The following AIM2 variants were observed in gnomAD, a reference collection of about 807,000 sequenced individuals.
The protein encoded by AIM2 is interferon-inducible protein AIM2.
AIM2 carries 30 observed loss-of-function variants against 27.7 expected under a neutral mutation model. That is an observed-to-expected ratio of 1.08 (90% CI 0.81 to 1.47). AIM2 has a LOEUF of 1.47. Ranked by LOEUF, AIM2 falls within the 40% of genes most tolerant of loss-of-function variation. AIM2 has a pLI of 0.00. For synonymous variants in AIM2, 141 were observed against 145.3 expected (o/e 0.97, Z 0.21); for missense variants, 358 against 411.3 (o/e 0.87, Z 1.12).
chr1:159,083,062 A>T (rs1656820132), intron 1 of AIM2, among the ~76,000 whole-genome samples: 1 of 152,204 alleles, frequency 6.6e-6, no homozygotes, highest in Non-Finnish European at 1.5e-5. Flanking sequence ...GTCAAGATGG[A>T]ACAAATTATT....
At chr1:159,074,135 G>A (rs960392529) in intron 1 of AIM2, among the ~76,000 whole-genome samples, 2 of 152,062 alleles carry the variant, frequency 1.3e-5, no homozygotes, top group South Asian at 2.1e-4. Flanking sequence ...CATACAACAC[G>A]GTGCATACAC....
At chr1:159,105,610 G>T (rs529761429) in intron 1 of AIM2, among the ~76,000 whole-genome samples, 3 of 152,242 alleles carry the variant, frequency 2.0e-5, no homozygotes, top group Non-Finnish European at 4.4e-5. Flanking sequence ...CAGGCAGGTC[G>T]TCCCGATGAG....
chr1:159,056,504 C>T, the AIM2 span, among the ~76,000 whole-genome samples: 2 of 151,892 alleles, frequency 1.3e-5, no homozygotes, highest in Non-Finnish European at 2.9e-5. Flanking sequence ...CAGTCAAAGT[C>T]CCTCAGAGGC....
rs540038345 is a variant in AIM2 at position 159,108,206 on chromosome 1, CGTT to C, written c.-16+32222_-16+32224del. On this transcript the variant is annotated intron_variant, in intron 1 of 2. Transcript: ENST00000368129. ...AACATATCAAAAAAGTAGTACACCA[CGTT>C]CAAGTGGGTTTCATACAAGGGATGA... Among the ~76,000 whole-genome samples, 1,421 of 152,184 alleles carry C rather than the reference CGTT, an allele frequency of 9.3e-3. 24 individuals are homozygous for C. The highest frequency in any genetic ancestry group is 0.032 in the African/African-American group (1,346 of 41,522).
intron 4 of AIM2, 24 bp from the exon 5 acceptor site, chr1:159,063,698 G>C (rs747096315): frequency 2.5e-6 from 4 of 1,604,204 alleles, no homozygotes; most frequent in Non-Finnish European, 2.6e-6. Context: ...TCAACACCCA[G>C]CCTCTGATAA....
chr1:159,127,770 G>T (rs574256522), intron 1 of AIM2, among the ~76,000 whole-genome samples: 2 of 152,150 alleles, frequency 1.3e-5, no homozygotes, highest in South Asian at 4.1e-4. Context: ...CTTGACCTTG[G>T]ACTTCCCAAG....
rs557699147 is a variant in AIM2 at position 159,101,169 on chromosome 1, T to C, written c.-15-34840A>G. ...AGGGACCTGGTGGGAGGTAATTGGATCATGGGGCTGTTGGGGGCAGGGGGC... is the reference window on the plus strand; with the variant it reads ...AGGGACCTGGTGGGAGGTAATTGGACCATGGGGCTGTTGGGGGCAGGGGGC... On this transcript the variant is annotated intron_variant, in intron 1 of 2. Transcript: ENST00000368129. Among the ~76,000 whole-genome samples the C allele has an allele frequency of 2.6e-3, 397 of 151,860 alleles. 2 individuals carry two copies. The highest frequency in any genetic ancestry group is 9.2e-3 in the African/African-American group (380 of 41,406).
intron 1 of AIM2, among the ~76,000 whole-genome samples, chr1:159,117,667 A>G (rs1570974658): frequency 6.6e-6 from 1 of 152,268 alleles, no homozygotes; most frequent in Middle Eastern, 3.4e-3. Flanking sequence ...TAAAAATATA[A>G]AAGAAAAGGA....
At chr1:159,068,502 A>T in intron 3 of AIM2, 66 bp downstream of exon 3, 1 of 1,524,924 alleles carries the variant, frequency 6.6e-7, no homozygotes, top group African/African-American at 1.4e-5. Flanking sequence ...AGAGAACAAT[A>T]TGGGAAGTGA....
At chr1:159,134,212 C>A (rs145461687) in intron 1 of AIM2, among the ~76,000 whole-genome samples, 8 of 152,310 alleles carry the variant, frequency 5.3e-5, no homozygotes, top group Non-Finnish European at 1.2e-4. Context: ...ACCATTACCA[C>A]CACCAGCACC....
chr1:159,113,909 A>G (rs928004952), intron 1 of AIM2, among the ~76,000 whole-genome samples: 2 of 152,200 alleles, frequency 1.3e-5, no homozygotes, highest in Non-Finnish European at 2.9e-5. Context: ...ACTAGCTCTT[A>G]CTGTTTAACT....
chr1:159,079,827 C>T (rs1406057585), upstream of AIM2, among the ~76,000 whole-genome samples: 2 of 152,192 alleles, frequency 1.3e-5, no homozygotes, highest in Admixed American at 1.3e-4. Context: ...CTAAAATCCT[C>T]TGTGCTCTGT....
chr1:159,073,188 C>A lies in AIM2; in HGVS notation c.262+50G>T. The A allele has an allele frequency of 2.5e-6, 4 of 1,607,078 alleles. No individual in the cohort carries two copies. The South Asian group carries it at 4.4e-5, about 18-fold the overall frequency. On this transcript the variant is annotated intron_variant, in intron 2 of 5. Coordinates refer to ENST00000368130, the MANE Select transcript of AIM2 (RefSeq NM_004833.3). Reference sequence around the variant, plus strand: ...CCAGGGATGCCATGAAAGGAAAGGCCCAGGCTTGGCAGAAAAAGGGACGGG... The same window carrying A: ...CCAGGGATGCCATGAAAGGAAAGGCACAGGCTTGGCAGAAAAAGGGACGGG...
chr1:159,065,875 T>A (rs1210417142), intron 4 of AIM2, 35 bp downstream of exon 4: 1 of 1,543,688 alleles, frequency 6.5e-7, no homozygotes, highest in Non-Finnish European at 8.7e-7. Context: ...ACGTTATTCT[T>A]ACTAATCAAT....
In AIM2 at chr1:159,073,299, AC is replaced by A; in HGVS notation, c.200del (p.Arg67LeufsTer6). The A allele has an allele frequency of 6.2e-7, 1 of 1,614,210 alleles. No homozygotes were observed. Among genetic ancestry groups the A allele is most frequent in the Non-Finnish European group, 8.5e-7 (1 of 1,180,036 alleles). ...GCATATAATTCAACTTCTGAAAAAT[AC>A]GAATGGTCTTCATCACTGCAGACAC... ...GAVSAVMKTI[R>X]IFQKLNYMLL... On this transcript the variant is annotated frameshift_variant, in exon 2 of 6. Coordinates refer to ENST00000368130, the MANE Select transcript of AIM2 (RefSeq NM_004833.3). LOFTEE classifies it high-confidence loss of function.
At chr1:159,123,942 C>A (rs12130875) in intron 1 of AIM2, among the ~76,000 whole-genome samples, 19,189 of 152,188 alleles carry the variant, frequency 0.13, 1,509 homozygotes, top group Non-Finnish European at 0.17. Flanking sequence ...GTATATTTGC[C>A]ACTAACTATG....
At chr1:159,114,635 G>A (rs1286153692) in intron 1 of AIM2, among the ~76,000 whole-genome samples, 5 of 152,192 alleles carry the variant, frequency 3.3e-5, no homozygotes, top group South Asian at 4.1e-4. Flanking sequence ...ACTTGAACCC[G>A]GGAGGTGGAT....
At chr1:159,115,590 T>G (rs1434767597) in intron 1 of AIM2, among the ~76,000 whole-genome samples, 1 of 152,184 alleles carries the variant, frequency 6.6e-6, no homozygotes, top group East Asian at 1.9e-4. Flanking sequence ...GGGAAACGAT[T>G]CCCTATTTAA....
downstream of AIM2, among the ~76,000 whole-genome samples, chr1:159,060,893 A>G (rs1655811768): frequency 6.6e-6 from 1 of 152,226 alleles, no homozygotes; most frequent in South Asian, 2.1e-4. Context: ...AATTATTTCA[A>G]GTGGATAAAA....
Sources: gnomAD v4.1 joint callset for allele counts (sites outside exome capture counted in the v4.1 genomes callset) on GRCh38, gnomAD v4.1.1 for gene constraint, MANE v1.5 for transcripts, NCBI Gene and HGNC (gene_info 2026-07-23, HGNC 2026-07-21) for gene names.